The following ZMYND8 variants were observed in gnomAD, a reference collection of about 807,000 sequenced individuals.
ZMYND8 encodes the protein zinc finger MYND-type containing 8.
ZMYND8 carries 37 observed loss-of-function variants against 140.8 expected under a neutral mutation model. The observed-to-expected ratio is 0.26, with a 90% CI of 0.20 to 0.35. The LOEUF (loss-of-function observed/expected upper bound fraction) is 0.35. ZMYND8 is among the 10% of genes least tolerant of loss of function. The pLI, the probability that ZMYND8 is intolerant of heterozygous loss-of-function variation, is 1.00. For missense variants in ZMYND8, 1,068 were observed against 1,570.0 expected (o/e 0.68, Z 5.40); for synonymous variants, 592 against 597.1 (o/e 0.99, Z 0.12).
intron 13 of ZMYND8, among the ~76,000 whole-genome samples, chr20:47,248,669 G>A (rs1408205041): frequency 6.6e-6 from 1 of 152,232 alleles, no homozygotes. Context: ...TCTAGATTGG[G>A]AGGGACACCC....
chr20:47,274,804 C>T (rs1339756645), intron 11 of ZMYND8, among the ~76,000 whole-genome samples: 1 of 152,148 alleles, frequency 6.6e-6, no homozygotes, highest in East Asian at 1.9e-4. Flanking sequence ...CAGCTAGAAG[C>T]AGTTCTTGAA....
chr20:47,244,485 T>G (rs6018357), intron 14 of ZMYND8, among the ~76,000 whole-genome samples: 26,383 of 152,174 alleles, frequency 0.17, 4,665 homozygotes, highest in African/African-American at 0.45. Context: ...ACCCCTTTTG[T>G]TGGGCTTGTT....
In ZMYND8 at chr20:47,212,690, G is replaced by A. The variant is rs564616201; in HGVS notation, c.3520C>T (p.Pro1174Ser). 17 of 1,613,494 alleles carry A rather than the reference G, an allele frequency of 1.1e-5. No individual in the cohort carries two copies. The African/African-American group carries it at 1.9e-4, about 18-fold the overall frequency. The stretch of plus-strand genomic sequence containing the variant: ...TGCGGCTGGTGGTCTGTGGTGGTTG[G>A]GGCATAGGCAGGTTGCTTGTCACAC... ...KRCDKQPAYA[P>S]TTTDHQPHPN... The change falls in exon 22 of 23, where the codon CCA becomes TCA. Residue 1174 changes from proline (P) to serine (S), a missense_variant. Physicochemically the swap from Pro to Ser is moderately conservative, Grantham distance 74. Coordinates refer to ENST00000471951, the MANE Select transcript of ZMYND8 (RefSeq NM_001281775.3).
chr20:47,219,055 A>ATTTTTTTTTTTTTT lies in ZMYND8; in HGVS notation c.3484+1189_3484+1202dup, dbSNP rs3092175. Among the ~76,000 whole-genome samples, 208 of 110,896 alleles carry ATTTTTTTTTTTTTT rather than the reference A, an allele frequency of 1.9e-3. 13 individuals carry two copies. The highest frequency in any genetic ancestry group is 2.8e-3 in the Non-Finnish European group (154 of 54,242). 72.8% of individuals were successfully genotyped at this position (110,896 alleles called of 152,430 possible). A position where few individuals can be genotyped will look rare whatever the true frequency, so the allele number is the denominator to read the frequency against. ...AACATGGCAAAACCCCGTTTCTACAATTTTTTTTTTTTTTTTTTTTGAGAG... is the reference window on the plus strand; with the variant it reads ...AACATGGCAAAACCCCGTTTCTACAATTTTTTTTTTTTTTTTTTTTTTTTTTTTTTTTTTGAGAG... On this transcript the variant is annotated intron_variant, in intron 21 of 22. Transcript: ENST00000471951.
chr20:47,238,924 G>A lies in ZMYND8; in HGVS notation c.2499C>T (p.Ala833=), dbSNP rs138857366. The part of the protein sequence containing the change: ...RPLLPKETAP[A]VQRVVWNSSS... The stretch of plus-strand genomic sequence containing the variant: ...ATGAGTTCCACACGACCCGCTGCAC[G>A]GCCGGGGCAGTCTCCTTCGGTAAAA... Residue 833 remains alanine (A), a synonymous_variant, in exon 15 of 23, where the codon GCC becomes GCT. Transcript: ENST00000471951. 2.5e-5 allele frequency: 41 copies of A among 1,614,014 alleles called. No individual in the cohort carries two copies. The African/African-American group carries it at 4.0e-4, about 16-fold the overall frequency.
chr20:47,356,383 G>A (rs1241185750), intron 1 of ZMYND8: 1 of 1,523,534 alleles, frequency 6.6e-7, no homozygotes, highest in South Asian at 1.2e-5. Context: ...GGCATACCAG[G>A]ATCTAGCTTC....
At chr20:47,257,536 C>T (rs1189210101) in intron 12 of ZMYND8, among the ~76,000 whole-genome samples, 1 of 151,498 alleles carries the variant, frequency 6.6e-6, no homozygotes, top group Admixed American at 6.6e-5. Flanking sequence ...TCACATATAC[C>T]CAATATACAA....
At chr20:47,284,014 C>A (rs1288974894) in intron 8 of ZMYND8, among the ~76,000 whole-genome samples, 1 of 152,136 alleles carries the variant, frequency 6.6e-6, no homozygotes, top group African/African-American at 2.4e-5. Context: ...CTTTCGCTTC[C>A]TGCGTTCAAG....
chr20:47,286,137 A>G (rs772571283), intron 8 of ZMYND8, among the ~76,000 whole-genome samples: 25 of 151,926 alleles, frequency 1.6e-4, no homozygotes, highest in Non-Finnish European at 3.7e-4. Flanking sequence ...AAATACATAG[A>G]TAACTATATC....
At chr20:47,275,664 GC>G (rs1329120863) in intron 11 of ZMYND8, among the ~76,000 whole-genome samples, 1 of 151,998 alleles carries the variant, frequency 6.6e-6, no homozygotes, top group Non-Finnish European at 1.5e-5. Context: ...ATACAACAGC[GC>G]AATCATAGCT....
intron 12 of ZMYND8, among the ~76,000 whole-genome samples, chr20:47,255,720 G>GTATA (rs1555924707): frequency 3.7e-5 from 1 of 27,240 alleles, no homozygotes; most frequent in Non-Finnish European, 7.7e-5. Context: ...CCGTGTATGT[G>GTATA]TGTATATATA....
intron 12 of ZMYND8, among the ~76,000 whole-genome samples, chr20:47,251,975 G>A (rs576083275): frequency 1.3e-5 from 2 of 151,418 alleles, no homozygotes; most frequent in Admixed American, 1.3e-4. Context: ...TAAATTAAAA[G>A]TTTATTTAAA....
intron 2 of ZMYND8, among the ~76,000 whole-genome samples, chr20:47,330,113 G>A (rs928464542): frequency 6.6e-6 from 1 of 152,180 alleles, no homozygotes; most frequent in African/African-American, 2.4e-5. Context: ...TGGACACAGT[G>A]AGGATGGTCC....
intron 3 of ZMYND8, among the ~76,000 whole-genome samples, chr20:47,303,188 T>C (rs567470445): frequency 6.6e-6 from 1 of 151,916 alleles, no homozygotes; most frequent in South Asian, 2.1e-4. Flanking sequence ...AGGAGATGGG[T>C]GAGGAGCAGC....
chr20:47,228,364 C>T (rs2037999311), intron 17 of ZMYND8, among the ~76,000 whole-genome samples: 3 of 152,170 alleles, frequency 2.0e-5, no homozygotes, highest in Admixed American at 1.3e-4. Flanking sequence ...TGTGAACAAT[C>T]ACATTTCATT....
intron 11 of ZMYND8, among the ~76,000 whole-genome samples, chr20:47,264,075 C>CA (rs1386818470): frequency 2.0e-5 from 3 of 152,092 alleles, no homozygotes; most frequent in African/African-American, 4.8e-5. Flanking sequence ...AGCGGCCCCC[C>CA]ACAAGAAAGA....
chr20:47,324,458 G>A (rs1321997305), intron 2 of ZMYND8, among the ~76,000 whole-genome samples: 1 of 152,172 alleles, frequency 6.6e-6, no homozygotes, highest in Admixed American at 6.5e-5. Flanking sequence ...GGCGGAGGCT[G>A]TAGTGAGCCG....
At chr20:47,356,529 T>C (rs1311090597) in intron 1 of ZMYND8, 128 bp downstream of exon 1, 4 of 1,611,236 alleles carry the variant, frequency 2.5e-6, no homozygotes, top group Non-Finnish European at 3.4e-6. Flanking sequence ...TCTAAACAGT[T>C]CCAAGTTAAC....
chr20:47,310,276 A>G, intron 2 of ZMYND8, 72 bp from the exon 3 acceptor site: 1 of 1,520,904 alleles, frequency 6.6e-7, no homozygotes, highest in South Asian at 1.3e-5. Flanking sequence ...GGAGGTGTGG[A>G]GGAACCAAGT....
Sources: gnomAD v4.1 joint callset for allele counts (sites outside exome capture counted in the v4.1 genomes callset) on GRCh38, gnomAD v4.1.1 for gene constraint, MANE v1.5 for transcripts, NCBI Gene and HGNC (gene_info 2026-07-23, HGNC 2026-07-21) for gene names.